Variants in ZFYVE9 observed in about 807,000 individuals in gnomAD.
The protein encoded by ZFYVE9 is zinc finger FYVE-type containing 9.
Under a neutral mutation model 126.7 loss-of-function variants are expected in ZFYVE9, and 43 were observed. The ratio of observed to expected loss-of-function variants is 0.34; its 90% CI spans 0.27 to 0.44. ZFYVE9 has a LOEUF of 0.44. ZFYVE9 is among the 20% of genes least tolerant of loss of function. ZFYVE9 has a pLI of 1.00. For missense variants in ZFYVE9, 1,476 were observed against 1,697.0 expected, an observed-to-expected ratio of 0.87 and a Z score of 2.29; for synonymous variants, 521 against 597.4, an observed-to-expected ratio of 0.87 and a Z score of 1.87.
At chr1:52,288,378 A>G (rs1181602737) in intron 10 of ZFYVE9, among the ~76,000 whole-genome samples, 1 of 152,154 alleles carries the variant, frequency 6.6e-6, no homozygotes, top group Non-Finnish European at 1.5e-5. Context: ...CACTCACTGC[A>G]GCCTTGATCT....
At chr1:52,216,053 T>C (rs929753225) in intron 1 of ZFYVE9, among the ~76,000 whole-genome samples, 1 of 152,248 alleles carries the variant, frequency 6.6e-6, no homozygotes, top group Non-Finnish European at 1.5e-5. Flanking sequence ...AGGCAAATTA[T>C]ATACTTATGA....
At chr1:52,233,348 A>G in intron 3 of ZFYVE9, 72 bp downstream of exon 3, 1 of 1,101,790 alleles carries the variant, frequency 9.1e-7, no homozygotes, top group Non-Finnish European at 1.2e-6. Context: ...AGGATGTAGT[A>G]TTTAAAAAAA....
At chr1:52,241,437 T>C (rs1294540613) in intron 4 of ZFYVE9, among the ~76,000 whole-genome samples, 8 of 152,254 alleles carry the variant, frequency 5.3e-5, no homozygotes, top group Non-Finnish European at 1.0e-4. Flanking sequence ...TCATCATTTT[T>C]ATGTTGTTCT....
intron 1 of ZFYVE9, chr1:52,180,318 A>G: frequency 6.3e-7 from 1 of 1,580,472 alleles, no homozygotes; most frequent in East Asian, 2.2e-5. Flanking sequence ...TCCTGATAGG[A>G]ATCTGCCCAT....
At chr1:52,296,553 G>C (rs1401164606) in intron 12 of ZFYVE9, among the ~76,000 whole-genome samples, 1 of 151,988 alleles carries the variant, frequency 6.6e-6, no homozygotes, top group Admixed American at 6.6e-5. Flanking sequence ...TTCTGACTCT[G>C]TTGGCCAAGA....
chr1:52,222,448 T>G lies in ZFYVE9; in HGVS notation c.-37+5974T>G, dbSNP rs549061393. 7.2e-5 allele frequency among the ~76,000 whole-genome samples: 11 copies of G among 152,348 alleles called. No individual in the cohort carries two copies. The South Asian group carries it at 2.3e-3, about 32-fold the overall frequency. On this transcript the variant is annotated intron_variant, in intron 2 of 18. Coordinates refer to ENST00000287727, the MANE Select transcript of ZFYVE9 (RefSeq NM_004799.4). ...TGAACCATTGGTGGTTGTATGGGATTCTACTGACAATGGTGTAAGGATTGG... is the reference window on the plus strand; with the variant it reads ...TGAACCATTGGTGGTTGTATGGGATGCTACTGACAATGGTGTAAGGATTGG...
chr1:52,239,056 T>G lies in ZFYVE9; in HGVS notation c.1639T>G (p.Leu547Val), dbSNP rs764809480. 1 of 1,614,108 alleles carries G rather than the reference T, an allele frequency of 6.2e-7. No homozygotes were observed. The highest frequency in any genetic ancestry group is 1.1e-5 in the South Asian group (1 of 91,084). Residue 547 changes from leucine (L) to valine (V), a missense_variant, in exon 4 of 19, where the codon TTA (leucine) becomes GTA (valine). This residue lies in a region of ZFYVE9 where 807 missense variants were observed against 794.6 expected (regional missense o/e 1.02). Transcript: ENST00000287727. Reference sequence around the variant, plus strand: ...TGGTGACCTAATGAAGAAAAATTATTTACATAATTTCTGTAGTCAAGTTCC... The same window carrying G: ...TGGTGACCTAATGAAGAAAAATTATGTACATAATTTCTGTAGTCAAGTTCC... ...STGDLMKKNY[L>V]HNFCSQVPSV...
intron 4 of ZFYVE9, among the ~76,000 whole-genome samples, chr1:52,254,692 T>C (rs1645486724): frequency 6.6e-6 from 1 of 152,046 alleles, no homozygotes; most frequent in African/African-American, 2.4e-5. Flanking sequence ...ATGGGCCAGG[T>C]GTGGTGGCTC....
At chr1:52,284,111 C>A (rs997393175) in intron 10 of ZFYVE9, among the ~76,000 whole-genome samples, 1 of 152,138 alleles carries the variant, frequency 6.6e-6, no homozygotes, top group African/African-American at 2.4e-5. Context: ...CTTCTATTCA[C>A]CATCTTGATG....
rs1645808179 is a variant in ZFYVE9, at chr1:52,281,791, G to T, written c.3000G>T (p.Val1000=). The T allele has an allele frequency of 6.2e-7, 1 of 1,614,166 alleles. No homozygotes were observed. The highest frequency in any genetic ancestry group is 8.5e-7 in the Non-Finnish European group (1 of 1,180,024). ...CLPKDIFNHF[V]QLYRDALAGN... ...CAAAGGATATCTTTAATCACTTTGT[G>T]CAGCTTTATCGGGATGCTCTGGCAG... is the stretch of plus-strand genomic sequence containing the variant. Residue 1000 remains valine (V), a synonymous_variant, in exon 10 of 19, where the codon GTG becomes GTT. Coordinates refer to ENST00000287727, the MANE Select transcript of ZFYVE9 (RefSeq NM_004799.4).
At chr1:52,235,389 G>C (rs980469372) in intron 3 of ZFYVE9, among the ~76,000 whole-genome samples, 2 of 152,088 alleles carry the variant, frequency 1.3e-5, no homozygotes, top group Non-Finnish European at 2.9e-5. Flanking sequence ...TTTAATACCC[G>C]ATCATTTCTG....
At chr1:52,319,684 G>GA (rs927744560) in intron 13 of ZFYVE9, among the ~76,000 whole-genome samples, 2 of 151,532 alleles carry the variant, frequency 1.3e-5, no homozygotes, top group Non-Finnish European at 2.9e-5. Flanking sequence ...TTTATATGGG[G>GA]ATAAAAAGAA....
intron 1 of ZFYVE9, among the ~76,000 whole-genome samples, chr1:52,210,782 G>A (rs1645021489): frequency 6.6e-6 from 1 of 152,166 alleles, no homozygotes; most frequent in Non-Finnish European, 1.5e-5. Context: ...AGCCTCCCGA[G>A]TAGCTGGGAC....
At chr1:52,345,050 T>C in intron 18 of ZFYVE9, 106 bp downstream of exon 18, 1 of 1,232,380 alleles carries the variant, frequency 8.1e-7, no homozygotes, top group Non-Finnish European at 1.2e-6. Flanking sequence ...TCCGACCTTC[T>C]GGCCTGACTG....
At chr1:52,174,917 G>C (rs1044664800) in intron 1 of ZFYVE9, among the ~76,000 whole-genome samples, 8 of 151,948 alleles carry the variant, frequency 5.3e-5, no homozygotes, top group African/African-American at 1.5e-4. Flanking sequence ...TGAGATGGGT[G>C]TCCTGAATAC....
At chr1:52,247,675 T>C (rs571970610) in intron 4 of ZFYVE9, among the ~76,000 whole-genome samples, 2 of 152,236 alleles carry the variant, frequency 1.3e-5, no homozygotes, top group East Asian at 3.9e-4. Context: ...TTTTGTATTT[T>C]TAGTAGAGAC....
In ZFYVE9 at chr1:52,291,992, A is replaced by G. The variant is rs905066489; in HGVS notation, c.3026-1461A>G. Among the ~76,000 whole-genome samples, 7 of 151,134 alleles carry G rather than the reference A, an allele frequency of 4.6e-5. No individual in the cohort carries two copies. The East Asian group carries it at 1.4e-3, about 30-fold the overall frequency. ...TGTCTCAAAAAATTATAAACAATAA[A>G]TCCTGTCCAAGCACGGTGGCTCGCG... On this transcript the variant is annotated intron_variant, in intron 10 of 18. Transcript: ENST00000287727.
chr1:52,269,508 AT>A (rs896056368), intron 7 of ZFYVE9, among the ~76,000 whole-genome samples: 8 of 152,078 alleles, frequency 5.3e-5, no homozygotes, highest in African/African-American at 1.7e-4. Flanking sequence ...GATAAGTAAT[AT>A]TTTTTTAGAC....
In ZFYVE9 at chr1:52,344,836, T is replaced by G. The variant is rs1646469834; in HGVS notation, c.4008T>G (p.Thr1336=). 4 of 1,614,244 alleles carry G rather than the reference T, an allele frequency of 2.5e-6. No individual in the cohort carries two copies. In the East Asian group the frequency reaches 8.9e-5, roughly 36 times the overall value. The change falls in exon 18 of 19, where the codon ACT becomes ACG. Residue 1336 remains threonine (T), a synonymous_variant. Coordinates refer to ENST00000287727, the MANE Select transcript of ZFYVE9 (RefSeq NM_004799.4). ...ATCCTGCAGATCACAGTAGATTGACTGAGCATGTTGCCAAAGCTTTTTGCC... is the reference window on the plus strand; with the variant it reads ...ATCCTGCAGATCACAGTAGATTGACGGAGCATGTTGCCAAAGCTTTTTGCC... ...LSDPADHSRL[T]EHVAKAFCLA...
Sources: allele counts gnomAD v4.1 joint callset (sites outside exome capture counted in the v4.1 genomes callset), GRCh38; gene constraint gnomAD v4.1.1; regional missense constraint gnomAD v4.1.1; transcripts MANE v1.5; gene names NCBI Gene and HGNC (gene_info 2026-07-23, HGNC 2026-07-21).